Variants in GPHN observed in about 807,000 individuals in gnomAD.
GPHN encodes the protein gephyrin.
GPHN carries 17 observed loss-of-function variants against 95.5 expected under a neutral mutation model. That is an observed-to-expected ratio of 0.18 (90% CI 0.12 to 0.27). The LOEUF is 0.27. Among genes scored for constraint, GPHN ranks in the 10% least tolerant of loss-of-function variants. The pLI is 1.00. For synonymous variants in GPHN, 320 were observed against 322.5 expected (o/e 0.99, Z 0.08); for missense variants, 660 against 978.1 (o/e 0.67, Z 4.34).
chr14:66,851,486 T>C (rs2153515869), intron 4 of GPHN, among the ~76,000 whole-genome samples: 1 of 152,332 alleles, frequency 6.6e-6, no homozygotes, highest in East Asian at 1.9e-4. Flanking sequence ...TTAGTGTCAT[T>C]TTTGTAAAAT....
intron 1 of GPHN, among the ~76,000 whole-genome samples, chr14:66,639,218 A>C (rs1421359874): frequency 6.6e-6 from 1 of 151,958 alleles, no homozygotes; most frequent in East Asian, 1.9e-4. Context: ...TTATAAGTGT[A>C]AAAATGAAAC....
At chr14:66,877,889 T>A (rs191982110) in intron 4 of GPHN, among the ~76,000 whole-genome samples, 2 of 152,222 alleles carry the variant, frequency 1.3e-5, no homozygotes, top group Non-Finnish European at 2.9e-5. Context: ...TACTTTAATA[T>A]GGAACCAAAA....
intron 1 of GPHN, among the ~76,000 whole-genome samples, chr14:66,608,241 C>T (rs2062633050): frequency 6.6e-6 from 1 of 151,760 alleles, no homozygotes; most frequent in Admixed American, 6.6e-5. Flanking sequence ...TTCATTATTT[C>T]CCCAAAACTT....
the GPHN span, among the ~76,000 whole-genome samples, chr14:67,220,431 G>T: frequency 6.7e-6 from 1 of 150,064 alleles, no homozygotes; most frequent in Non-Finnish European, 1.5e-5. Context: ...AACAGAGAGA[G>T]ACCTTTTCTC....
intron 10 of GPHN, among the ~76,000 whole-genome samples, chr14:67,026,703 C>T (rs1020794029): frequency 6.6e-6 from 1 of 152,056 alleles, no homozygotes; most frequent in Admixed American, 6.5e-5. Context: ...AGTGCAGTGG[C>T]GCGATCTCGG....
At chr14:67,336,796 G>GTTGT in the GPHN span, 1 of 455,450 alleles carries the variant, frequency 2.2e-6, no homozygotes. Flanking sequence ...TGTGAACTGA[G>GTTGT]TTGTTGGTTT....
At chr14:67,631,434 C>CTTTT in the GPHN span, among the ~76,000 whole-genome samples, 258 of 113,040 alleles carry the variant, frequency 2.3e-3, no homozygotes, top group Non-Finnish European at 3.0e-3. Flanking sequence ...TTCTTTCTTT[C>CTTTT]TTTTTTTTTT....
the GPHN span, among the ~76,000 whole-genome samples, chr14:67,222,281 T>G: frequency 6.6e-6 from 1 of 152,106 alleles, no homozygotes; most frequent in Non-Finnish European, 1.5e-5. Flanking sequence ...CTATTTAATG[T>G]TTTTGTTTGT....
the GPHN span, among the ~76,000 whole-genome samples, chr14:67,680,795 A>G: frequency 0.012 from 1,778 of 152,340 alleles, 33 homozygotes; most frequent in African/African-American, 0.041. Flanking sequence ...TGGCATCAGC[A>G]TGGTCACAGT....
chr14:67,691,032 T>C, the GPHN span: 1 of 764,400 alleles, frequency 1.3e-6, no homozygotes, highest in Admixed American at 1.8e-5. Flanking sequence ...CATGGTCTAT[T>C]ATGGTCCTGA....
At chr14:66,569,606 T>A (rs961560392) in intron 1 of GPHN, among the ~76,000 whole-genome samples, 1 of 151,692 alleles carries the variant, frequency 6.6e-6, no homozygotes, top group Non-Finnish European at 1.5e-5. Context: ...GAGGTTGCAG[T>A]GAGCCAAGAT....
At chr14:67,211,434 T>C in the GPHN span, among the ~76,000 whole-genome samples, 1 of 152,078 alleles carries the variant, frequency 6.6e-6, no homozygotes, top group East Asian at 1.9e-4. Context: ...AGAGGAGAAC[T>C]GGGGAAAAGA....
chr14:67,255,224 G>C, the GPHN span, among the ~76,000 whole-genome samples: 3 of 152,098 alleles, frequency 2.0e-5, no homozygotes, highest in Admixed American at 6.5e-5. Context: ...TTTCAGGGAA[G>C]GTAATTGATT....
At chr14:66,686,106 A>G (rs1393970390) in intron 2 of GPHN, among the ~76,000 whole-genome samples, 3 of 152,130 alleles carry the variant, frequency 2.0e-5, no homozygotes, top group African/African-American at 7.2e-5. Context: ...AGTGGTCTAT[A>G]TCTCTGTTTT....
chr14:66,546,135 C>T (rs1209473784), intron 1 of GPHN, among the ~76,000 whole-genome samples: 3 of 151,172 alleles, frequency 2.0e-5, no homozygotes, highest in South Asian at 2.1e-4. Context: ...AGACGATGGG[C>T]GGCCAGGCAG....
chr14:67,274,623 A>G, the GPHN span, among the ~76,000 whole-genome samples: 309 of 152,280 alleles, frequency 2.0e-3, no homozygotes, highest in African/African-American at 7.0e-3. Context: ...TTGGTTCCAT[A>G]TGAACTTTAA....
the GPHN span, among the ~76,000 whole-genome samples, chr14:67,402,742 T>C: frequency 6.6e-6 from 1 of 152,212 alleles, no homozygotes. Context: ...TCCACATTGT[T>C]GCAAATGACA....
the GPHN span, chr14:67,381,589 G>C: frequency 6.2e-7 from 1 of 1,607,468 alleles, no homozygotes; most frequent in Non-Finnish European, 8.5e-7. Flanking sequence ...TTTTGTAATT[G>C]TAGATATTGA....
At chr14:67,548,360 C>T in the GPHN span, among the ~76,000 whole-genome samples, 1 of 152,060 alleles carries the variant, frequency 6.6e-6, no homozygotes, top group Non-Finnish European at 1.5e-5. Context: ...TTCTTTACTC[C>T]CTATCTGCTT....
Sources: gnomAD v4.1 joint callset for allele counts (sites outside exome capture counted in the v4.1 genomes callset) on GRCh38, gnomAD v4.1.1 for gene constraint, MANE v1.5 for transcripts, NCBI Gene and HGNC (gene_info 2026-07-23, HGNC 2026-07-21) for gene names.